The following MYT1L variants were observed in gnomAD, a reference collection of about 807,000 sequenced individuals.
MYT1L encodes myelin transcription factor 1 like, also known as myelin transcription factor 1-like protein.
MYT1L carries 12 observed loss-of-function variants against 126.7 expected under a neutral mutation model. The ratio of observed to expected loss-of-function variants is 0.09; its 90% confidence interval spans 0.06 to 0.15. MYT1L has a LOEUF of 0.15. Among genes scored for constraint, MYT1L ranks in the 10% least tolerant of loss-of-function variants. The pLI is 1.00. For missense variants in MYT1L, 979 were observed against 1,585.2 expected (o/e 0.62, Z 6.49); for synonymous variants, 541 against 604.2 (o/e 0.90, Z 1.53).
At chr2:2,217,709 A>AACAACAACAAC (rs1559367309) in intron 2 of MYT1L, among the ~76,000 whole-genome samples, 2 of 119,818 alleles carry the variant, frequency 1.7e-5, no homozygotes, top group African/African-American at 5.6e-5. Flanking sequence ...ACAACAACAA[A>AACAACAACAAC]AAAAAAAAAA....
rs145159896 is a variant in MYT1L, at chr2:2,131,838, A to G, written c.-304+41034T>C. On this transcript the variant is annotated intron_variant, in intron 3 of 24. Transcript: ENST00000647738. ...TGCTGCACAGAGACTACTCTCTCAG[A>G]CACCACGTTCTCTGCAGGAGGTACA... Among the ~76,000 whole-genome samples the G allele has an allele frequency of 2.6e-5, 4 of 151,666 alleles. No individual in the cohort carries two copies. The East Asian group carries it at 5.8e-4, about 22-fold the overall frequency.
At chr2:1,885,815 C>A (rs536672696) in intron 18 of MYT1L, among the ~76,000 whole-genome samples, 1 of 152,172 alleles carries the variant, frequency 6.6e-6, no homozygotes, top group Non-Finnish European at 1.5e-5. Flanking sequence ...CCCCGGATTG[C>A]GGAGGCTTTG....
At chr2:2,009,519 C>T (rs72767334) in intron 4 of MYT1L, among the ~76,000 whole-genome samples, 1 of 152,264 alleles carries the variant, frequency 6.6e-6, no homozygotes, top group Non-Finnish European at 1.5e-5. Flanking sequence ...TTTTTCTATA[C>T]AAATGCTACT....
chr2:1,880,484 A>G (rs1188022320), intron 18 of MYT1L, among the ~76,000 whole-genome samples: 2 of 152,164 alleles, frequency 1.3e-5, no homozygotes, highest in African/African-American at 4.8e-5. Context: ...ACACTTTTAA[A>G]TGAGACTTTA....
chr2:1,907,118 T>A (rs574884814), intron 13 of MYT1L, among the ~76,000 whole-genome samples: 32 of 146,184 alleles, frequency 2.2e-4, no homozygotes, highest in Non-Finnish European at 3.9e-4. Flanking sequence ...TCTCTAAAAA[T>A]TTTTTTTTTA....
intron 4 of MYT1L, among the ~76,000 whole-genome samples, chr2:2,027,086 C>G (rs115324873): frequency 0.032 from 4,925 of 152,274 alleles, 133 homozygotes; most frequent in Non-Finnish European, 0.05. Flanking sequence ...GAGAGATGAG[C>G]CGTGCACAGC....
intron 4 of MYT1L, among the ~76,000 whole-genome samples, chr2:2,023,892 C>T (rs866757202): frequency 2.0e-5 from 3 of 152,222 alleles, no homozygotes; most frequent in South Asian, 4.2e-4. Context: ...TAAGATTGAG[C>T]GGTGTTCACT....
chr2:2,102,595 C>G (rs1311202554), intron 3 of MYT1L, among the ~76,000 whole-genome samples: 1 of 148,590 alleles, frequency 6.7e-6, no homozygotes, highest in Non-Finnish European at 1.5e-5. Flanking sequence ...TTGGCAATGC[C>G]TCTTGGGAAT....
At chr2:2,261,145 G>A (rs1018636420) in intron 2 of MYT1L, among the ~76,000 whole-genome samples, 2 of 66,262 alleles carry the variant, frequency 3.0e-5, no homozygotes, top group African/African-American at 1.1e-4. Flanking sequence ...GTGAGTGCGT[G>A]TGTGTGTGTG....
intron 4 of MYT1L, among the ~76,000 whole-genome samples, chr2:2,000,762 A>C (rs2062287986): frequency 6.6e-6 from 1 of 152,202 alleles, no homozygotes; most frequent in Admixed American, 6.5e-5. Context: ...ACCTCCACGT[A>C]AGGGTTCTAA....
At chr2:2,152,972 T>C (rs60582991) in intron 3 of MYT1L, among the ~76,000 whole-genome samples, 2,232 of 152,236 alleles carry the variant, frequency 0.015, 52 homozygotes, top group African/African-American at 0.051. Flanking sequence ...CTGGCTTTTA[T>C]AGCAGTACAG....
In MYT1L at chr2:2,030,521, C is replaced by T. The variant is rs375328546; in HGVS notation, c.-158+23457G>A. Among the ~76,000 whole-genome samples the T allele has an allele frequency of 1.5e-4, 23 of 152,124 alleles. No homozygotes were observed. In the East Asian group the frequency reaches 3.9e-3, roughly 26 times the overall value. ...ATAAAATTGAATGCCTATTATTTGC[C>T]AGCTATTGTAATGAGTGATTAAGAT... On this transcript the variant is annotated intron_variant, in intron 4 of 24. Coordinates refer to ENST00000647738, the MANE Select transcript of MYT1L (RefSeq NM_001303052.2).
At chr2:2,294,565 A>G (rs921487979) in intron 1 of MYT1L, among the ~76,000 whole-genome samples, 1 of 151,950 alleles carries the variant, frequency 6.6e-6, no homozygotes, top group Non-Finnish European at 1.5e-5. Context: ...ATATGAACGG[A>G]AGGAGGAAAG....
intron 1 of MYT1L, among the ~76,000 whole-genome samples, chr2:2,296,375 T>C (rs766739516): frequency 6.6e-6 from 1 of 152,196 alleles, no homozygotes; most frequent in Non-Finnish European, 1.5e-5. Flanking sequence ...TATTTTTTTT[T>C]AAGAGAAAAA....
At chr2:2,141,060 G>A (rs929307064) in intron 3 of MYT1L, among the ~76,000 whole-genome samples, 1 of 152,098 alleles carries the variant, frequency 6.6e-6, no homozygotes, top group East Asian at 1.9e-4. Flanking sequence ...CATTATGCAT[G>A]CTCTTGTAAG....
At chr2:1,818,074 C>CA (rs1558645843) in intron 21 of MYT1L, among the ~76,000 whole-genome samples, 1 of 151,752 alleles carries the variant, frequency 6.6e-6, no homozygotes, top group African/African-American at 2.4e-5. Flanking sequence ...AACCGAGCTC[C>CA]GGGAGGCCCT....
At chr2:2,168,452 T>C (rs1274770076) in intron 3 of MYT1L, among the ~76,000 whole-genome samples, 1 of 152,230 alleles carries the variant, frequency 6.6e-6, no homozygotes, top group Non-Finnish European at 1.5e-5. Flanking sequence ...CTTCATACAC[T>C]TACTGCAGGT....
intron 3 of MYT1L, among the ~76,000 whole-genome samples, chr2:2,150,894 G>A (rs1382620641): frequency 2.1e-5 from 3 of 145,044 alleles, no homozygotes; most frequent in Non-Finnish European, 3.0e-5. Flanking sequence ...AGGAAGGAAG[G>A]GAAGGAGGGA....
chr2:2,034,417 C>A (rs1382022218), intron 4 of MYT1L, among the ~76,000 whole-genome samples: 2 of 1,336 alleles, frequency 1.5e-3, no homozygotes, highest in African/African-American at 6.4e-3. Flanking sequence ...CCCTCCAATG[C>A]GGGTGCAGAA....
Sources: gnomAD v4.1 joint callset for allele counts (sites outside exome capture counted in the v4.1 genomes callset) on GRCh38, gnomAD v4.1.1 for gene constraint, MANE v1.5 for transcripts, NCBI Gene and HGNC (gene_info 2026-07-23, HGNC 2026-07-21) for gene names.